Variants in CA6 observed in about 807,000 individuals in gnomAD.
CA6 encodes the protein carbonic anhydrase 6, also known as carbonate dehydratase VI.
In CA6, 28 loss-of-function variants were observed where a neutral mutation model predicts 35.9. That is an observed-to-expected ratio of 0.78 (90% confidence interval 0.58 to 1.07). The LOEUF is 1.07. Among genes scored for constraint, CA6 ranks in the 50% least tolerant of loss-of-function variants. CA6 has a pLI of 0.00. For missense variants in CA6, 377 were observed against 382.0 expected (o/e 0.99, Z 0.11); for synonymous variants, 148 against 152.6 (o/e 0.97, Z 0.22).
In CA6 at chr1:8,972,175, G is replaced by A. The variant is rs111599160; in HGVS notation, c.844+1194G>A. Among the ~76,000 whole-genome samples the A allele has an allele frequency of 5.5e-3, 834 of 151,774 alleles. 12 individuals carry two copies. Among genetic ancestry groups the A allele is most frequent in the African/African-American group, 0.019 (800 of 41,364 alleles). ...TGATCCTCCCACCTCAGCCTCCCCAGTAGCGGAGACTGCAGGCACACACCA... is the reference window on the plus strand; with the variant it reads ...TGATCCTCCCACCTCAGCCTCCCCAATAGCGGAGACTGCAGGCACACACCA... On this transcript the variant is annotated intron_variant, in intron 7 of 7. Transcript: ENST00000377443.
intron 4 of CA6, among the ~76,000 whole-genome samples, chr1:8,959,900 C>G (rs559339729): frequency 7.4e-6 from 1 of 135,570 alleles, no homozygotes; most frequent in South Asian, 2.3e-4. Flanking sequence ...CTACTGCACT[C>G]CAGCGTGGGC....
intron 4 of CA6, among the ~76,000 whole-genome samples, chr1:8,960,591 G>A (rs997822798): frequency 1.3e-5 from 2 of 151,980 alleles, no homozygotes; most frequent in African/African-American, 4.8e-5. Flanking sequence ...ATCACTAGAT[G>A]GGCCCAAAGC....
chr1:8,955,937 A>T (rs2124256907), intron 2 of CA6, among the ~76,000 whole-genome samples: 1 of 152,340 alleles, frequency 6.6e-6, no homozygotes, highest in East Asian at 1.9e-4. Flanking sequence ...AAATAGGAAG[A>T]TCTTGCCAGG....
chr1:8,962,982 G>C (rs1159944208), intron 5 of CA6, among the ~76,000 whole-genome samples: 1 of 152,146 alleles, frequency 6.6e-6, no homozygotes, highest in Non-Finnish European at 1.5e-5. Flanking sequence ...CTGGCAGCTA[G>C]AGAGATGTCC....
chr1:8,962,887 C>A (rs192920012), intron 5 of CA6, among the ~76,000 whole-genome samples: 1 of 152,274 alleles, frequency 6.6e-6, no homozygotes, highest in African/African-American at 2.4e-5. Flanking sequence ...GTGTCATTTC[C>A]CATGATTGGA....
At chr1:8,973,772 C>CT (rs775594831) in intron 7 of CA6, among the ~76,000 whole-genome samples, 2 of 20,000 alleles carry the variant, frequency 1.0e-4, no homozygotes, top group Non-Finnish European at 1.6e-4. Context: ...TTCTTTCTTT[C>CT]TTTCTTTCTT....
In CA6 at chr1:8,949,407, C is replaced by T. The variant is rs1331627888; in HGVS notation, c.224C>T (p.Ala75Val). 4.3e-6 allele frequency: 7 copies of T among 1,613,248 alleles called. No individual in the cohort carries two copies. The East Asian group carries it at 6.7e-5, about 15-fold the overall frequency. Residue 75 changes from alanine to valine, a missense_variant, in exon 2 of 8, where the codon GCA becomes GTA. Physicochemically the swap from Ala to Val is moderately conservative, Grantham distance 64. Coordinates refer to ENST00000377443, the MANE Select transcript of CA6 (RefSeq NM_001215.4). ...GLNMTGYETQAGEFPMVNNGH... is the reference protein window; with the variant it reads ...GLNMTGYETQVGEFPMVNNGH... ...AATATGACAGGCTATGAGACCCAGG[C>T]AGGGGAGTTCCCCATGGTCAACAAT...
chr1:8,964,319 C>G (rs1639917071), intron 5 of CA6, among the ~76,000 whole-genome samples: 1 of 152,184 alleles, frequency 6.6e-6, no homozygotes. Flanking sequence ...ATGATCTCAG[C>G]TCACTACAAC....
intron 6 of CA6, 80 bp downstream of exon 6, chr1:8,967,896 A>C (rs1177123562): frequency 1.5e-6 from 2 of 1,321,828 alleles, no homozygotes; most frequent in Non-Finnish European, 2.1e-6. Flanking sequence ...ATCTCAACGA[A>C]CGTCAACAAC....
chr1:8,966,983 T>TAAA (rs143943561), intron 5 of CA6, among the ~76,000 whole-genome samples: 8,121 of 119,742 alleles, frequency 0.068, 435 homozygotes, highest in African/African-American at 0.16. Flanking sequence ...TTTAAAAAAA[T>TAAA]AATAAAAAAA....
intron 1 of CA6, among the ~76,000 whole-genome samples, chr1:8,948,425 G>T (rs1639426866): frequency 6.6e-6 from 1 of 151,946 alleles, no homozygotes; most frequent in Non-Finnish European, 1.5e-5. Context: ...ATCCATAAGT[G>T]TAGACACCTA....
At chr1:8,973,282 T>G (rs1569736915) in intron 7 of CA6, among the ~76,000 whole-genome samples, 1 of 152,112 alleles carries the variant, frequency 6.6e-6, no homozygotes, top group African/African-American at 2.4e-5. Flanking sequence ...GCCTCCCAAA[T>G]TGCTGGGATT....
chr1:8,970,988 G>T lies in CA6; in HGVS notation c.844+7G>T. On this transcript the variant is annotated splice_region_variant and intron_variant, in intron 7 of 7. Coordinates refer to ENST00000377443, the MANE Select transcript of CA6 (RefSeq NM_001215.4). The stretch of plus-strand genomic sequence containing the variant: ...TCCAACTTCCCGAATCAGGGTGAGT[G>T]AGACCGACTCTTGATCATGCTCTGC... 6.4e-7 allele frequency: 1 copy of T among 1,558,044 alleles called. No individual in the cohort carries two copies. The highest frequency in any genetic ancestry group is 1.1e-5 in the South Asian group (1 of 89,950).
chr1:8,949,253 C>A lies in CA6; in HGVS notation c.80-10C>A, dbSNP rs1266614724. 6.3e-7 allele frequency: 1 copy of A among 1,582,308 alleles called. No homozygotes were observed. Among genetic ancestry groups the A allele is most frequent in the Non-Finnish European group, 8.6e-7 (1 of 1,164,568 alleles). ...AGGCAGCCCCTTGAACTGTGTCTTTCCTGTCTTAGAAGGGGCACTGGACGA... is the reference window on the plus strand; with the variant it reads ...AGGCAGCCCCTTGAACTGTGTCTTTACTGTCTTAGAAGGGGCACTGGACGA... On this transcript the variant is annotated splice_polypyrimidine_tract_variant and intron_variant, in intron 1 of 7. Coordinates refer to ENST00000377443, the MANE Select transcript of CA6 (RefSeq NM_001215.4).
chr1:8,951,663 G>T (rs3765966), intron 2 of CA6: 506,701 of 764,484 alleles, frequency 0.66, 170,229 homozygotes, highest in East Asian at 0.82. Flanking sequence ...AGCGGCTCCC[G>T]CCTCCCAATT....
chr1:8,974,812 C>G lies in CA6; in HGVS notation c.*108C>G. ...ACCTTGTCTAAGAAACCATGTGTGT[C>G]TGGAACACGCTGCTCCCCCTGGGGC... On this transcript the variant is annotated 3_prime_UTR_variant, in exon 8 of 8. Transcript: ENST00000377443. The G allele has an allele frequency of 1.7e-6, 1 of 603,134 alleles. No homozygotes were observed. 37.4% of individuals were successfully genotyped at this position (603,134 alleles called of 1,614,324 possible). A position where few individuals can be genotyped will look rare whatever the true frequency, so the allele number is the denominator to read the frequency against.
intron 2 of CA6, among the ~76,000 whole-genome samples, chr1:8,954,035 T>A (rs1436283460): frequency 1.3e-5 from 2 of 152,322 alleles, no homozygotes; most frequent in East Asian, 3.9e-4. Flanking sequence ...AGTTACCCTA[T>A]GTGGTCTAAA....
intron 2 of CA6, chr1:8,951,966 T>A (rs754606542): frequency 6.0e-6 from 1 of 166,828 alleles, no homozygotes; most frequent in Non-Finnish European, 1.3e-5. Flanking sequence ...ACTACAGGCA[T>A]GTGCCACCAC....
intron 4 of CA6, 147 bp from the exon 5 acceptor site, chr1:8,962,438 GTC>G: frequency 1.5e-6 from 1 of 662,452 alleles, no homozygotes; most frequent in Non-Finnish European, 2.7e-6. Context: ...CAGCCAGACT[GTC>G]TCTGCCAAAA....
Sources: allele counts gnomAD v4.1 joint callset (sites outside exome capture counted in the v4.1 genomes callset), GRCh38; gene constraint gnomAD v4.1.1; transcripts MANE v1.5; gene names NCBI Gene and HGNC (gene_info 2026-07-23, HGNC 2026-07-21).